SLF1: variants seen among roughly 807,000 people sequenced by gnomAD.
SLF1 encodes SMC5-SMC6 complex localization factor protein 1.
Under a neutral mutation model 123.0 loss-of-function variants are expected in SLF1, and 105 were observed. The ratio of observed to expected loss-of-function variants is 0.85; its 90% confidence interval spans 0.73 to 1.00. The LOEUF (loss-of-function observed/expected upper bound fraction) is 1.00. SLF1 is among the 50% of genes least tolerant of loss of function. The pLI is 0.00. For missense variants in SLF1, 1,239 were observed against 1,223.0 expected, an observed-to-expected ratio of 1.01 and a Z score of -0.20; for synonymous variants, 434 against 406.6, an observed-to-expected ratio of 1.07 and a Z score of -0.81.
chr5:94,657,214 C>T (rs982110178), intron 9 of SLF1, among the ~76,000 whole-genome samples: 5 of 151,648 alleles, frequency 3.3e-5, no homozygotes, highest in Non-Finnish European at 5.9e-5. Flanking sequence ...ACTGCTTTTG[C>T]TGTATTCTAT....
At chr5:94,684,230 C>G (rs1752130307) in intron 15 of SLF1, among the ~76,000 whole-genome samples, 1 of 152,188 alleles carries the variant, frequency 6.6e-6, no homozygotes, top group Non-Finnish European at 1.5e-5. Context: ...GCAGTACACT[C>G]TGTGATGATA....
At chr5:94,684,241 G>C (rs772321250) in intron 15 of SLF1, among the ~76,000 whole-genome samples, 3 of 152,160 alleles carry the variant, frequency 2.0e-5, no homozygotes, top group Non-Finnish European at 4.4e-5. Flanking sequence ...TGTGATGATA[G>C]ATAGGCTTTT....
rs148475294 is a variant in SLF1, at chr5:94,653,122, G to T, written c.883-150G>T. 6.2e-6 allele frequency: 4 copies of T among 648,876 alleles called. No individual in the cohort carries two copies. In the Admixed American group the frequency reaches 1.7e-4, roughly 28 times the overall value. 40.2% of individuals were successfully genotyped at this position (648,876 alleles called of 1,614,324 possible). A position where few individuals can be genotyped will look rare whatever the true frequency, so the allele number is the denominator to read the frequency against. ...TCCGCCCGCCTTGGCCTCCCAAAGT[G>T]CAGAGATTACAGGCATGAGCCACCG... On this transcript the variant is annotated intron_variant, in intron 7 of 20. Transcript: ENST00000265140.
intron 9 of SLF1, among the ~76,000 whole-genome samples, chr5:94,657,767 T>C (rs1396471387): frequency 6.6e-6 from 1 of 152,104 alleles, no homozygotes; most frequent in Non-Finnish European, 1.5e-5. Flanking sequence ...TATATCTTCT[T>C]GCGGAATTGA....
chr5:94,695,362 G>C lies in SLF1; in HGVS notation c.*50G>C. The C allele has an allele frequency of 6.5e-7, 1 of 1,531,796 alleles. No individual in the cohort carries two copies. Among genetic ancestry groups the C allele is most frequent in the South Asian group, 1.3e-5 (1 of 75,410 alleles). The allele number at this position is 1,531,796 out of a possible 1,614,324, so 94.9% of individuals were successfully genotyped here. A position where few individuals can be genotyped will look rare whatever the true frequency, so the allele number is the denominator to read the frequency against. ...TTTCTAAATCTGTTCAGTTTGCATT[G>C]GTACTTACTGTGGACTTCATAGCTT... On this transcript the variant is annotated 3_prime_UTR_variant, in exon 21 of 21. Coordinates refer to ENST00000265140, the MANE Select transcript of SLF1 (RefSeq NM_032290.4).
rs534216193 is a variant in SLF1 at position 94,653,084 on chromosome 5, C to T, written c.883-188C>T. On this transcript the variant is annotated intron_variant, in intron 7 of 20. Transcript: ENST00000265140. ...GTTGGTCAGGCTGGTCTCTAACTCC[C>T]GACCTCAGGTGATCCGCCCGCCTTG... Among the ~76,000 whole-genome samples the T allele has an allele frequency of 7.2e-4, 110 of 152,188 alleles. 1 individual carries two copies. Among genetic ancestry groups the T allele is most frequent in the Admixed American group, 2.1e-3 (32 of 15,288 alleles).
At chr5:94,668,166 C>A (rs1443306044) in intron 12 of SLF1, among the ~76,000 whole-genome samples, 1 of 151,814 alleles carries the variant, frequency 6.6e-6, no homozygotes, top group Admixed American at 6.6e-5. Context: ...CTTTCCTTTT[C>A]AAATCTCACT....
intron 1 of SLF1, chr5:94,620,286 C>G (rs529999304): frequency 1.3e-5 from 2 of 152,308 alleles, no homozygotes; most frequent in East Asian, 3.9e-4. Flanking sequence ...AACCCCTATT[C>G]TGTTTTCTAA....
At chr5:94,655,388 G>A (rs1390311582) in intron 9 of SLF1, among the ~76,000 whole-genome samples, 1 of 151,972 alleles carries the variant, frequency 6.6e-6, no homozygotes, top group African/African-American at 2.4e-5. Context: ...GCATTGCTTT[G>A]GGTATTTATA....
chr5:94,642,971 C>G (rs946866965), intron 4 of SLF1, among the ~76,000 whole-genome samples: 1 of 151,994 alleles, frequency 6.6e-6, no homozygotes, highest in Non-Finnish European at 1.5e-5. Context: ...CTTTCATTAT[C>G]TTTTGGTTTA....
chr5:94,665,799 T>A lies in SLF1; in HGVS notation c.1369-62T>A. ...GTTACTGTTTTGGTTTTAGACTGAA[T>A]TAGAGAGTCAAACTACTTTTAGCTA... On this transcript the variant is annotated intron_variant, in intron 11 of 20. Transcript: ENST00000265140. 2.8e-6 allele frequency: 4 copies of A among 1,408,838 alleles called. No individual in the cohort carries two copies. The Middle Eastern group carries it at 5.4e-4, about 191-fold the overall frequency. The allele number at this position is 1,408,838 out of a possible 1,614,324, so 87.3% of individuals were successfully genotyped here. A position where few individuals can be genotyped will look rare whatever the true frequency, so the allele number is the denominator to read the frequency against.
chr5:94,638,349 T>G (rs1561430038), intron 4 of SLF1, among the ~76,000 whole-genome samples: 1 of 151,944 alleles, frequency 6.6e-6, no homozygotes, highest in African/African-American at 2.4e-5. Flanking sequence ...AGCTAATTTT[T>G]TTTGTGTTTT....
At chr5:94,642,817 C>A (rs1355869338) in intron 4 of SLF1, among the ~76,000 whole-genome samples, 1 of 151,676 alleles carries the variant, frequency 6.6e-6, no homozygotes, top group Non-Finnish European at 1.5e-5. Context: ...TAGATCAAGG[C>A]TAATTTTTTT....
At chr5:94,676,080 C>G (rs1461219967) in intron 14 of SLF1, among the ~76,000 whole-genome samples, 2 of 151,888 alleles carry the variant, frequency 1.3e-5, no homozygotes, top group African/African-American at 4.8e-5. Context: ...AGAATACTTT[C>G]AGAAATCAAA....
intron 9 of SLF1, among the ~76,000 whole-genome samples, chr5:94,655,888 C>T (rs537549861): frequency 6.6e-6 from 1 of 151,758 alleles, no homozygotes; most frequent in Admixed American, 6.6e-5. Flanking sequence ...GAGATCATGT[C>T]GTCTCCAGAG....
At chr5:94,647,770 A>ATT (rs1561438091) in intron 5 of SLF1, among the ~76,000 whole-genome samples, 1 of 152,012 alleles carries the variant, frequency 6.6e-6, no homozygotes, top group South Asian at 2.1e-4. Flanking sequence ...AGAGAAAAAT[A>ATT]TGTGGATCAT....
intron 1 of SLF1, among the ~76,000 whole-genome samples, chr5:94,623,037 T>C (rs1414765847): frequency 6.6e-6 from 1 of 152,150 alleles, no homozygotes; most frequent in East Asian, 1.9e-4. Flanking sequence ...GTCTCTGAGC[T>C]CAATTTTCAA....
Position 94,668,052 on chromosome 5 carries a change from C to T in SLF1, c.1532+2028C>T, listed in dbSNP as rs556540101. ...CATGAGCCACCATGCCTCACTGCTTCGTTTCACTTCTCTTCTCTCTTCTCT... is the reference window on the plus strand; with the variant it reads ...CATGAGCCACCATGCCTCACTGCTTTGTTTCACTTCTCTTCTCTCTTCTCT... On this transcript the variant is annotated intron_variant, in intron 12 of 20. Transcript: ENST00000265140. 5.9e-5 allele frequency among the ~76,000 whole-genome samples: 9 copies of T among 151,862 alleles called. No homozygotes were observed. The South Asian group carries it at 8.3e-4, about 14-fold the overall frequency.
intron 4 of SLF1, among the ~76,000 whole-genome samples, chr5:94,632,509 C>G (rs1460553347): frequency 6.6e-6 from 1 of 152,052 alleles, no homozygotes; most frequent in East Asian, 1.9e-4. Context: ...ACTATGTATT[C>G]TCCGCTTGTT....
Sources: gnomAD v4.1 joint callset for allele counts (sites outside exome capture counted in the v4.1 genomes callset) on GRCh38, gnomAD v4.1.1 for gene constraint, MANE v1.5 for transcripts, NCBI Gene and HGNC (gene_info 2026-07-23, HGNC 2026-07-21) for gene names.